USP10: variants seen among roughly 807,000 people sequenced by gnomAD.
USP10 encodes ubiquitin carboxyl-terminal hydrolase 10.
A neutral mutation model predicts 84.5 loss-of-function variants in USP10; 22 were observed. That is an observed-to-expected ratio of 0.26 (90% CI 0.19 to 0.37). USP10 has a LOEUF of 0.37. Among genes scored for constraint, USP10 ranks in the 10% least tolerant of loss-of-function variants. The probability of loss-of-function intolerance (pLI) is 1.00; values close to 1 mark genes in which losing one functional copy is unlikely to be tolerated. For synonymous variants in USP10, 454 were observed against 387.6 expected, an observed-to-expected ratio of 1.17 and a Z score of -2.01; for missense variants, 1,019 against 998.9, an observed-to-expected ratio of 1.02 and a Z score of -0.27.
rs183912345 is a variant in USP10, at chr16:84,769,954, A to G, written c.1998+1596A>G. On this transcript the variant is annotated intron_variant, in intron 11 of 13. Coordinates refer to ENST00000219473, the MANE Select transcript of USP10 (RefSeq NM_005153.3). ...CAGGTTTGGATGAAGGCTTCCAGAA[A>G]GAAGGCGGGCCAGGTGTGGTGGCTC... Among the ~76,000 whole-genome samples, 49 of 152,294 alleles carry G rather than the reference A, an allele frequency of 3.2e-4. 1 individual carries two copies. In the East Asian group the frequency reaches 7.9e-3, roughly 25 times the overall value.
In USP10 at chr16:84,745,342, A is replaced by G. The variant is rs1374129964; in HGVS notation, c.861A>G (p.Gly287=). The G allele has an allele frequency of 5.0e-6, 8 of 1,612,970 alleles. No homozygotes were observed. The highest frequency in any genetic ancestry group is 6.8e-6 in the Non-Finnish European group (8 of 1,179,736). The part of the protein sequence containing the change: ...DTTENLGVAN[G]QILESSGEGT... ...CTGAAAACCTTGGAGTTGCTAATGGACAAATACTTGAATCCTCGGGTGAGG... is the reference window on the plus strand; with the variant it reads ...CTGAAAACCTTGGAGTTGCTAATGGGCAAATACTTGAATCCTCGGGTGAGG... The change falls in exon 4 of 14, where the codon GGA becomes GGG. Residue 287 remains glycine, a synonymous_variant. Transcript: ENST00000219473.
chr16:84,727,982 T>C (rs955157747), intron 1 of USP10, among the ~76,000 whole-genome samples: 28 of 152,240 alleles, frequency 1.8e-4, no homozygotes, highest in Non-Finnish European at 3.7e-4. Flanking sequence ...GAAATGTATT[T>C]AGTTATCATG....
chr16:84,720,623 C>T (rs550755032), intron 1 of USP10, among the ~76,000 whole-genome samples: 1 of 118,640 alleles, frequency 8.4e-6, no homozygotes, highest in African/African-American at 3.2e-5. Flanking sequence ...GCTGTGTTGC[C>T]CAGGCTGGAG....
intron 4 of USP10, among the ~76,000 whole-genome samples, chr16:84,749,956 G>GCC (rs1911713530): frequency 1.3e-5 from 2 of 152,286 alleles, no homozygotes; most frequent in Non-Finnish European, 2.9e-5. Context: ...CCAGGGGAGA[G>GCC]CGTGTGAACT....
In USP10 at chr16:84,750,857, T is replaced by C. The variant is rs1471933071; in HGVS notation, c.1192+5184T>C. The stretch of plus-strand genomic sequence containing the variant: ...CAGCTCTGAAAACATTGCGTTGAGG[T>C]ATCTAGCAATGTCATTTATTATGAA... On this transcript the variant is annotated intron_variant, in intron 4 of 13. Transcript: ENST00000219473. Among the ~76,000 whole-genome samples, 5 of 152,336 alleles carry C rather than the reference T, an allele frequency of 3.3e-5. No homozygotes were observed. In the South Asian group the frequency reaches 1.0e-3, roughly 32 times the overall value.
At chr16:84,728,418 C>T (rs1908791834) in intron 1 of USP10, among the ~76,000 whole-genome samples, 3 of 151,890 alleles carry the variant, frequency 2.0e-5, no homozygotes, top group Admixed American at 2.0e-4. Context: ...CGGCTCACTG[C>T]AACCTCTGCC....
At chr16:84,703,238 C>G (rs370617796) in intron 1 of USP10, among the ~76,000 whole-genome samples, 97 of 152,162 alleles carry the variant, frequency 6.4e-4, no homozygotes, top group African/African-American at 2.3e-3. Flanking sequence ...ACTGAGGGGA[C>G]CGGTTAAATT....
rs540014217 is a variant in USP10, at chr16:84,775,997, C to A, written c.2209+772C>A. On this transcript the variant is annotated intron_variant, in intron 13 of 13. Coordinates refer to ENST00000219473, the MANE Select transcript of USP10 (RefSeq NM_005153.3). ...TGTTTCTAGCTTCTGTGTCTTCCCT[C>A]CTCTGGTGTGGCCTTTGGTGAACCT... Among the ~76,000 whole-genome samples the A allele has an allele frequency of 1.1e-4, 17 of 152,326 alleles. No homozygotes were observed. The South Asian group carries it at 2.9e-3, about 26-fold the overall frequency.
chr16:84,763,592 C>T lies in USP10; in HGVS notation c.1655-494C>T, dbSNP rs147578870. Among the ~76,000 whole-genome samples, 139 of 152,338 alleles carry T rather than the reference C, an allele frequency of 9.1e-4. No homozygotes were observed. The East Asian group carries it at 0.017, about 19-fold the overall frequency. On this transcript the variant is annotated intron_variant, in intron 9 of 13. Coordinates refer to ENST00000219473, the MANE Select transcript of USP10 (RefSeq NM_005153.3). ...AACAACTGTAATGACACGGTAATAC[C>T]GACTTTGCAGAGCATCTTCAAATTT...
intron 2 of USP10, among the ~76,000 whole-genome samples, chr16:84,736,707 T>C (rs1390972853): frequency 6.6e-6 from 1 of 152,248 alleles, no homozygotes; most frequent in Middle Eastern, 3.4e-3. Context: ...CCCGATGACA[T>C]AGTGTTGGCA....
intron 4 of USP10, among the ~76,000 whole-genome samples, chr16:84,757,046 T>C (rs1271653790): frequency 2.0e-5 from 3 of 152,116 alleles, no homozygotes; most frequent in Non-Finnish European, 4.4e-5. Context: ...ATCTGTAAAA[T>C]GGGGTTGGTA....
At position 84,758,823 on chromosome 16, in the gene USP10, G is replaced by A. The variant is rs757861738; in HGVS notation, c.1284+16G>A. On this transcript the variant is annotated intron_variant, in intron 5 of 13. Coordinates refer to ENST00000219473, the MANE Select transcript of USP10 (RefSeq NM_005153.3). ...CATTAATGCTGTATCCTTCCTGGAC[G>A]CCGTCCGCAAGGCCAGCTTGTTGCA... 1.9e-6 allele frequency: 3 copies of A among 1,590,294 alleles called. No individual in the cohort carries two copies. The highest frequency in any genetic ancestry group is 2.2e-5 in the South Asian group (2 of 90,504).
chr16:84,766,746 T>C (rs1198078780), intron 10 of USP10, among the ~76,000 whole-genome samples: 6 of 152,244 alleles, frequency 3.9e-5, no homozygotes, highest in Non-Finnish European at 8.8e-5. Flanking sequence ...AGCCACATCC[T>C]CTGAGGGGTC....
chr16:84,772,428 C>T lies in USP10; in HGVS notation c.1999-113C>T, dbSNP rs554511210. On this transcript the variant is annotated intron_variant, in intron 11 of 13. Coordinates refer to ENST00000219473, the MANE Select transcript of USP10 (RefSeq NM_005153.3). ...CAGGAAAAGCCATGAAGTCCTGCCA[C>T]AGGACTCTTGGGCCTCACCTCTCAG... is the stretch of plus-strand genomic sequence containing the variant. The T allele has an allele frequency of 1.2e-5, 18 of 1,462,708 alleles. 1 individual carries two copies. Among genetic ancestry groups the T allele is most frequent in the Admixed American group, 1.1e-4 (6 of 52,928 alleles). The allele number at this position is 1,462,708 out of a possible 1,614,324, so 90.6% of individuals were successfully genotyped here.
At chr16:84,711,717 A>C (rs1597275544) in intron 1 of USP10, among the ~76,000 whole-genome samples, 1 of 127,392 alleles carries the variant, frequency 7.8e-6, no homozygotes, top group Admixed American at 8.2e-5. Context: ...AGGAAGGGCT[A>C]GCTTTTTTTT....
At chr16:84,746,423 G>A (rs1306226855) in intron 4 of USP10, among the ~76,000 whole-genome samples, 1 of 152,238 alleles carries the variant, frequency 6.6e-6, no homozygotes, top group Admixed American at 6.5e-5. Context: ...CACAAATACA[G>A]GTGGTAGAGC....
intron 1 of USP10, among the ~76,000 whole-genome samples, chr16:84,720,576 ATTTTT>A (rs10699847): frequency 0.014 from 1,243 of 88,348 alleles, 34 homozygotes; most frequent in African/African-American, 0.053. Context: ...ATGATGCCCA[ATTTTT>A]TTTTTTTTTT....
intron 1 of USP10, among the ~76,000 whole-genome samples, chr16:84,712,645 A>C (rs1906466753): frequency 6.6e-6 from 1 of 152,204 alleles, no homozygotes; most frequent in Non-Finnish European, 1.5e-5. Flanking sequence ...TAGAAATAGT[A>C]ATGAGAGCTG....
At chr16:84,771,001 G>C (rs1015710403) in intron 11 of USP10, among the ~76,000 whole-genome samples, 16 of 150,870 alleles carry the variant, frequency 1.1e-4, no homozygotes, top group Non-Finnish European at 1.6e-4. Flanking sequence ...AGGTTGCAGT[G>C]AGCTGAGATC....
Sources: gnomAD v4.1 joint callset for allele counts (sites outside exome capture counted in the v4.1 genomes callset) on GRCh38, gnomAD v4.1.1 for gene constraint, MANE v1.5 for transcripts, NCBI Gene and HGNC (gene_info 2026-07-23, HGNC 2026-07-21) for gene names.